The following NRXN1 variants were observed in gnomAD, a reference collection of about 807,000 sequenced individuals.
The protein encoded by NRXN1 is neurexin 1.
NRXN1 carries 39 observed loss-of-function variants against 150.9 expected under a neutral mutation model. That is an observed-to-expected ratio of 0.26 (90% CI 0.20 to 0.34). The LOEUF is 0.34. Among genes scored for constraint, NRXN1 ranks in the 10% least tolerant of loss-of-function variants. NRXN1 has a pLI of 1.00. For missense variants in NRXN1, 1,815 were observed against 1,949.9 expected, an observed-to-expected ratio of 0.93 and a Z score of 1.30; for synonymous variants, 924 against 757.0, an observed-to-expected ratio of 1.22 and a Z score of -3.62.
chr2:50,299,660 T>C (rs1407897977), intron 17 of NRXN1, among the ~76,000 whole-genome samples: 4 of 152,210 alleles, frequency 2.6e-5, no homozygotes, highest in African/African-American at 4.8e-5. Context: ...AACTTTTTAT[T>C]ATTCAAATTG....
chr2:50,951,114 T>A lies in NRXN1; in HGVS notation c.773-25159A>T, dbSNP rs111358772. On this transcript the variant is annotated intron_variant, in intron 2 of 22. Transcript: ENST00000401669. ...TTGTATTCAATTGCTCAAGGACAGC[T>A]GTTTGAAACAATGTATTAGAAAGAA... 2.0e-3 allele frequency among the ~76,000 whole-genome samples: 299 copies of A among 152,316 alleles called. 4 individuals are homozygous for A. Among genetic ancestry groups the A allele is most frequent in the African/African-American group, 7.0e-3 (291 of 41,580 alleles).
chr2:50,232,213 AT>A (rs1331950983), intron 18 of NRXN1, among the ~76,000 whole-genome samples: 2 of 152,008 alleles, frequency 1.3e-5, no homozygotes, highest in African/African-American at 4.8e-5. Context: ...TCCAACAAAT[AT>A]TTATTGAGGT....
intron 17 of NRXN1, among the ~76,000 whole-genome samples, chr2:50,268,802 A>T (rs2069203355): frequency 6.6e-6 from 1 of 152,214 alleles, no homozygotes; most frequent in African/African-American, 2.4e-5. Context: ...CAGATTCTTT[A>T]TCTAGGCCAC....
intron 17 of NRXN1, among the ~76,000 whole-genome samples, chr2:50,439,430 G>C (rs1201892247): frequency 1.3e-5 from 2 of 152,162 alleles, no homozygotes; most frequent in Non-Finnish European, 2.9e-5. Context: ...GAACATTAAA[G>C]ACAGTGTTAT....
At chr2:49,950,921 C>T (rs141302260) in intron 21 of NRXN1, among the ~76,000 whole-genome samples, 2 of 151,926 alleles carry the variant, frequency 1.3e-5, no homozygotes, top group African/African-American at 4.8e-5. Context: ...TAGGCTATTA[C>T]AAAAAGTGAC....
At chr2:50,588,068 T>C (rs1013006483) in intron 8 of NRXN1, among the ~76,000 whole-genome samples, 8 of 152,188 alleles carry the variant, frequency 5.3e-5, no homozygotes, top group Admixed American at 1.3e-4. Context: ...CTGACTGCAA[T>C]TGAGTTAGAG....
intron 19 of NRXN1, among the ~76,000 whole-genome samples, chr2:50,070,727 G>A (rs569118351): frequency 1.7e-4 from 22 of 132,796 alleles, no homozygotes; most frequent in African/African-American, 6.1e-4. Flanking sequence ...CCGAGATCCC[G>A]CCACTGCACT....
chr2:50,025,415 G>A (rs745668465), intron 21 of NRXN1, among the ~76,000 whole-genome samples: 1 of 152,174 alleles, frequency 6.6e-6, no homozygotes, highest in Non-Finnish European at 1.5e-5. Flanking sequence ...TGAGGAGTCA[G>A]ACATGTTGAA....
At chr2:50,385,782 A>T (rs2081291914) in intron 17 of NRXN1, among the ~76,000 whole-genome samples, 1 of 152,208 alleles carries the variant, frequency 6.6e-6, no homozygotes, top group African/African-American at 2.4e-5. Context: ...CTTTGATAAA[A>T]GTAACAGAAG....
chr2:50,010,353 T>C (rs1685455814), intron 21 of NRXN1, among the ~76,000 whole-genome samples: 1 of 152,174 alleles, frequency 6.6e-6, no homozygotes, highest in African/African-American at 2.4e-5. Flanking sequence ...TCTCCTTTAC[T>C]CCTGCTGTAT....
At chr2:50,679,272 G>A (rs534281282) in intron 5 of NRXN1, among the ~76,000 whole-genome samples, 26 of 152,200 alleles carry the variant, frequency 1.7e-4, no homozygotes, top group Admixed American at 1.2e-3. Flanking sequence ...CCTCTGGAAG[G>A]ATTCTTGGAG....
chr2:50,340,413 A>C (rs1009483277), intron 17 of NRXN1, among the ~76,000 whole-genome samples: 1 of 152,186 alleles, frequency 6.6e-6, no homozygotes, highest in Admixed American at 6.5e-5. Flanking sequence ...GTGCTTTTCT[A>C]AGAGGAAATC....
rs1574407369 is a variant in NRXN1 at position 50,767,412 on chromosome 2, G to T, written c.833-143797C>A. On this transcript the variant is annotated intron_variant, in intron 5 of 22. Transcript: ENST00000401669. ...TAATTTTAAAATCTAAAAATGCCCA[G>T]TATTTTGTGTGATATTATATATATC... Among the ~76,000 whole-genome samples, 4 of 152,088 alleles carry T rather than the reference G, an allele frequency of 2.6e-5. No homozygotes were observed. The South Asian group carries it at 8.3e-4, about 32-fold the overall frequency.
At chr2:51,027,029 G>A (rs1670602212) in intron 2 of NRXN1, among the ~76,000 whole-genome samples, 1 of 152,152 alleles carries the variant, frequency 6.6e-6, no homozygotes, top group Non-Finnish European at 1.5e-5. Context: ...TCTCAACCAC[G>A]GCCGTGGTAT....
chr2:50,046,084 G>A (rs1416257224), intron 21 of NRXN1, among the ~76,000 whole-genome samples: 1 of 152,160 alleles, frequency 6.6e-6, no homozygotes, highest in Admixed American at 6.6e-5. Flanking sequence ...GACAACTGGG[G>A]AACAGACACA....
chr2:50,276,816 G>C lies in NRXN1; in HGVS notation c.3365-39846C>G, dbSNP rs117956616. Among the ~76,000 whole-genome samples, 193 of 152,064 alleles carry C rather than the reference G, an allele frequency of 1.3e-3. 4 individuals are homozygous for C. The East Asian group carries it at 0.035, about 28-fold the overall frequency. Reference sequence around the variant, plus strand: ...CCCCTGTTTTAATGATCTTTAAGAGGGGAAAAGACCCTTCAATAGAGAACT... The same window carrying C: ...CCCCTGTTTTAATGATCTTTAAGAGCGGAAAAGACCCTTCAATAGAGAACT... On this transcript the variant is annotated intron_variant, in intron 17 of 22. Transcript: ENST00000401669.
At chr2:50,908,789 G>C (rs1398920717) in intron 5 of NRXN1, among the ~76,000 whole-genome samples, 1 of 151,934 alleles carries the variant, frequency 6.6e-6, no homozygotes, top group African/African-American at 2.4e-5. Context: ...CATCAGTATG[G>C]AGCCCCCTTC....
chr2:50,792,240 C>T (rs528881876), intron 5 of NRXN1, among the ~76,000 whole-genome samples: 16 of 152,118 alleles, frequency 1.1e-4, no homozygotes, highest in African/African-American at 2.2e-4. Context: ...AAAGTAAAGA[C>T]ATTGAACATA....
intron 2 of NRXN1, among the ~76,000 whole-genome samples, chr2:51,005,534 GC>G: frequency 1.3e-5 from 2 of 152,042 alleles, no homozygotes; most frequent in Middle Eastern, 6.8e-3. Flanking sequence ...GAATGGCCTT[GC>G]AAGAAATGTT....
Sources: allele counts gnomAD v4.1 joint callset (sites outside exome capture counted in the v4.1 genomes callset), GRCh38; gene constraint gnomAD v4.1.1; transcripts MANE v1.5; gene names NCBI Gene and HGNC (gene_info 2026-07-23, HGNC 2026-07-21).